FRMPD4: variants seen among roughly 807,000 people sequenced by gnomAD.
FRMPD4 encodes the protein FERM and PDZ domain containing 4.
A neutral mutation model predicts 94.1 loss-of-function variants in FRMPD4; 22 were observed. The observed-to-expected ratio is 0.23, with a 90% CI of 0.17 to 0.33. The LOEUF (loss-of-function observed/expected upper bound fraction) is 0.33, where lower values mean the gene tolerates loss of function less well. Among genes scored for constraint, FRMPD4 ranks in the 10% least tolerant of loss-of-function variants. The pLI is 1.00. For synonymous variants in FRMPD4, 631 were observed against 548.6 expected, an observed-to-expected ratio of 1.15 and a Z score of -2.10; for missense variants, 1,111 against 1,339.9, an observed-to-expected ratio of 0.83 and a Z score of 2.67.
chrX:12,232,107 G>C (rs2057016659), intron 1 of FRMPD4, among the ~76,000 whole-genome samples: 1 of 111,553 alleles, frequency 9.0e-6, no homozygotes, highest in Non-Finnish European at 1.9e-5. Context: ...CTAAGTCAAA[G>C]TAGGAGAGAG....
chrX:12,556,331 C>T (rs1341982053), intron 2 of FRMPD4, among the ~76,000 whole-genome samples: 1 of 110,665 alleles, frequency 9.0e-6, no homozygotes, highest in African/African-American at 3.3e-5. Context: ...TGGGTCTGCC[C>T]TAATCAGATG....
Position 12,710,438 on chromosome X carries a change from C to G in FRMPD4, c.1510C>G (p.Leu504Val). 8.3e-7 allele frequency: 1 copy of G among 1,201,438 alleles called. No homozygotes were observed. Among genetic ancestry groups the G allele is most frequent in the East Asian group, 3.0e-5 (1 of 33,787 alleles). The change falls in exon 14 of 17, where the codon CTG becomes GTG. Residue 504 changes from leucine (L) to valine (V), a missense_variant. Leu to Val is a conservative substitution (Grantham distance 32). Coordinates refer to ENST00000675598, the MANE Select transcript of FRMPD4 (RefSeq NM_001368397.1). ...GATGGAATCCTCAGATGCCATGAACCTGGCCTGCTTGACGGCTGGATACTA... is the reference window on the plus strand; with the variant it reads ...GATGGAATCCTCAGATGCCATGAACGTGGCCTGCTTGACGGCTGGATACTA... ...LLMESSDAMN[L>V]ACLTAGYYRL...
At chrX:12,533,242 C>T (rs888296556) in intron 2 of FRMPD4, among the ~76,000 whole-genome samples, 3 of 112,267 alleles carry the variant, frequency 2.7e-5, no homozygotes, top group African/African-American at 3.2e-5. Context: ...TCTGCCACCA[C>T]GTGAGACCTG....
chrX:11,842,375 C>T, intron 1 of FRMPD4, among the ~76,000 whole-genome samples: 1 of 99,574 alleles, frequency 1.0e-5, no homozygotes. Flanking sequence ...TCTTCCTACC[C>T]ATGAGCATGG....
chrX:12,621,615 A>G (rs1283715573), intron 4 of FRMPD4, among the ~76,000 whole-genome samples: 7 of 70,189 alleles, frequency 1.0e-4, no homozygotes, highest in African/African-American at 3.9e-4. Context: ...TTGAGCCCAA[A>G]AGTTCAAGAC....
chrX:12,136,890 AACACACACACACACACAC>A (rs376427153), upstream of FRMPD4, among the ~76,000 whole-genome samples: 1 of 97,569 alleles, frequency 1.0e-5, no homozygotes, highest in African/African-American at 3.7e-5. Flanking sequence ...TCTACGTTAA[AACACACACACACACACAC>A]ACACACACAC....
intron 1 of FRMPD4, among the ~76,000 whole-genome samples, chrX:12,161,351 G>A (rs764827422): frequency 9.0e-6 from 1 of 111,437 alleles, no homozygotes; most frequent in South Asian, 3.8e-4. Flanking sequence ...TAGAGATGGG[G>A]TTTTACCATG....
intron 1 of FRMPD4, among the ~76,000 whole-genome samples, chrX:12,190,709 AG>A (rs1308655643): frequency 9.3e-6 from 1 of 107,788 alleles, no homozygotes; most frequent in Non-Finnish European, 1.9e-5. Context: ...AAAAAAAAAA[AG>A]AATCTACACA....
At chrX:12,339,867 G>A (rs1359766712) in intron 1 of FRMPD4, among the ~76,000 whole-genome samples, 4 of 111,849 alleles carry the variant, frequency 3.6e-5, no homozygotes, top group African/African-American at 6.5e-5. Flanking sequence ...CGCCCACCTC[G>A]GCCTCCCAAA....
At chrX:12,481,204 C>A (rs189921360) in intron 1 of FRMPD4, among the ~76,000 whole-genome samples, 67 of 110,867 alleles carry the variant, frequency 6.0e-4, no homozygotes, top group African/African-American at 2.1e-3. Context: ...AGCTTGCCAG[C>A]CCTGCTGTGG....
intron 1 of FRMPD4, among the ~76,000 whole-genome samples, chrX:12,392,612 CA>C (rs2056492497): frequency 9.1e-6 from 1 of 110,419 alleles, no homozygotes; most frequent in South Asian, 4.0e-4. Context: ...GAGATCATGC[CA>C]CTGCACCCCA....
At chrX:12,681,842 G>T (rs892773510) in intron 5 of FRMPD4, among the ~76,000 whole-genome samples, 4 of 111,220 alleles carry the variant, frequency 3.6e-5, no homozygotes, top group African/African-American at 1.3e-4. Context: ...GTACAATTTC[G>T]TGGCATTAAG....
chrX:11,905,449 A>G, intron 3 of FRMPD4, among the ~76,000 whole-genome samples: 1 of 112,004 alleles, frequency 8.9e-6, no homozygotes, highest in African/African-American at 3.3e-5. Flanking sequence ...ATAATAAAAT[A>G]TATTTATTGT....
At chrX:12,089,960 T>C (rs2055140915) in intron 3 of FRMPD4, among the ~76,000 whole-genome samples, 1 of 111,350 alleles carries the variant, frequency 9.0e-6, no homozygotes, top group South Asian at 3.9e-4. Context: ...GAAGTGCCTG[T>C]TGAGAGGTGA....
intron 3 of FRMPD4, among the ~76,000 whole-genome samples, chrX:11,902,036 C>T (rs186223045): frequency 1.1e-3 from 123 of 112,213 alleles, no homozygotes; most frequent in Non-Finnish European, 1.9e-3. Flanking sequence ...AAGATTTTCT[C>T]CCACTCTGTG....
chrX:11,961,014 G>A (rs763632714), intron 3 of FRMPD4, among the ~76,000 whole-genome samples: 3 of 112,104 alleles, frequency 2.7e-5, no homozygotes, highest in South Asian at 3.7e-4. Flanking sequence ...TGCTGTCTTC[G>A]TTCTTTAAAT....
chrX:12,602,841 C>G (rs2059097025), intron 2 of FRMPD4, among the ~76,000 whole-genome samples: 1 of 111,781 alleles, frequency 8.9e-6, no homozygotes, highest in Non-Finnish European at 1.9e-5. Flanking sequence ...AACAGATGCC[C>G]AAACAAACTA....
intron 1 of FRMPD4, among the ~76,000 whole-genome samples, chrX:12,470,575 T>C (rs2057499833): frequency 8.9e-6 from 1 of 112,316 alleles, no homozygotes; most frequent in Non-Finnish European, 1.9e-5. Flanking sequence ...CTCACACATA[T>C]TAAACATGAA....
intron 4 of FRMPD4, among the ~76,000 whole-genome samples, chrX:12,666,592 G>A (rs1280483633): frequency 8.9e-6 from 1 of 112,090 alleles, no homozygotes. Context: ...TCAGACCACA[G>A]TGCAATCAAA....
Sources: gnomAD v4.1 joint callset for allele counts (sites outside exome capture counted in the v4.1 genomes callset) on GRCh38, gnomAD v4.1.1 for gene constraint, MANE v1.5 for transcripts, NCBI Gene and HGNC (gene_info 2026-07-23, HGNC 2026-07-21) for gene names.